Variants in SUSD3 observed in about 807,000 individuals in gnomAD.
SUSD3 encodes the protein sushi domain-containing protein 3.
SUSD3 carries 18 observed loss-of-function variants against 20.6 expected under a neutral mutation model. The observed-to-expected ratio is 0.87, with a 90% CI of 0.60 to 1.30. The LOEUF (loss-of-function observed/expected upper bound fraction) is 1.30. Among genes scored for constraint, SUSD3 ranks in the 50% most tolerant of loss-of-function variants. The pLI is 0.00. For synonymous variants in SUSD3, 137 were observed against 141.5 expected (o/e 0.97, Z 0.23); for missense variants, 306 against 346.9 (o/e 0.88, Z 0.94).
At position 93,058,796 on chromosome 9, in the gene SUSD3, C is replaced by T. The variant is rs1825382881; in HGVS notation, c.54C>T (p.Ala18=). ...GCAAGGCGAGGCCCCGGGGGCGGGC[C>T]GGGGTCACCACGCCTGCCCCAGGGA... ...LRGKARPRGR[A]GVTTPAPGNR... The change falls in exon 1 of 5, where the codon GCC becomes GCT. Residue 18 remains alanine, a synonymous_variant. Transcript: ENST00000375472. 8.0e-7 allele frequency: 1 copy of T among 1,245,928 alleles called. No homozygotes were observed. The highest frequency in any genetic ancestry group is 1.0e-6 in the Non-Finnish European group (1 of 994,950). The allele number at this position is 1,245,928 out of a possible 1,614,324, so 77.2% of individuals were successfully genotyped here.
chr9:93,058,913 G>A, intron 1 of SUSD3, 83 bp downstream of exon 1: 1 of 821,630 alleles, frequency 1.2e-6, no homozygotes, highest in South Asian at 4.2e-5. Context: ...GGGTCGCGGG[G>A]CCGCACAGCC....
intron 1 of SUSD3, among the ~76,000 whole-genome samples, chr9:93,061,909 A>G (rs1007707821): frequency 1.8e-4 from 28 of 152,332 alleles, no homozygotes; most frequent in African/African-American, 6.7e-4. Context: ...CCACAGCCTC[A>G]GCCAGCATAA....
At chr9:93,062,342 GT>G in intron 1 of SUSD3, among the ~76,000 whole-genome samples, 1 of 152,342 alleles carries the variant, frequency 6.6e-6, no homozygotes, top group Non-Finnish European at 1.5e-5. Context: ...GTTTTCTGTT[GT>G]TTTTCCCTCT....
intron 1 of SUSD3, among the ~76,000 whole-genome samples, chr9:93,064,312 C>T (rs1825623722): frequency 6.6e-6 from 1 of 152,206 alleles, no homozygotes; most frequent in Non-Finnish European, 1.5e-5. Context: ...TCCCAAAGTG[C>T]TGGGAGTACA....
rs540199125 is a variant in SUSD3, at chr9:93,077,346, C to T, written c.278-500C>T. 6.7e-4 allele frequency among the ~76,000 whole-genome samples: 102 copies of T among 152,142 alleles called. 3 individuals are homozygous for T. In the South Asian group the frequency reaches 0.02, roughly 30 times the overall value. On this transcript the variant is annotated intron_variant, in intron 2 of 4. Transcript: ENST00000375472. ...GCCTCCTCAGTACTGTCTATTGTCACCTCCTCTCTGTGGCCCACCCTTCCT... is the reference window on the plus strand; with the variant it reads ...GCCTCCTCAGTACTGTCTATTGTCATCTCCTCTCTGTGGCCCACCCTTCCT...
chr9:93,066,381 A>C (rs986197564), intron 1 of SUSD3, among the ~76,000 whole-genome samples: 2 of 152,066 alleles, frequency 1.3e-5, no homozygotes, highest in Admixed American at 1.3e-4. Flanking sequence ...CTACAGGCGC[A>C]CGCCACCACG....
intron 1 of SUSD3, among the ~76,000 whole-genome samples, chr9:93,069,941 C>T (rs938418148): frequency 8.6e-5 from 13 of 152,042 alleles, no homozygotes; most frequent in Non-Finnish European, 1.5e-4. Context: ...CACCCACACC[C>T]GGTTAATTTT....
chr9:93,060,589 G>A (rs2118895483), intron 1 of SUSD3, among the ~76,000 whole-genome samples: 1 of 152,266 alleles, frequency 6.6e-6, no homozygotes, highest in South Asian at 2.1e-4. Context: ...CCCACACTTT[G>A]GGAGGCTGAG....
chr9:93,075,411 CTT>C (rs58393196), intron 1 of SUSD3, among the ~76,000 whole-genome samples: 335 of 101,248 alleles, frequency 3.3e-3, no homozygotes, highest in African/African-American at 0.011. Context: ...CTCTGTCCCT[CTT>C]TTTTTTTTTT....
rs143337251 is a variant in SUSD3 at position 93,074,592 on chromosome 9, A to G, written c.89-1192A>G. On this transcript the variant is annotated intron_variant, in intron 1 of 4. Coordinates refer to ENST00000375472, the MANE Select transcript of SUSD3 (RefSeq NM_145006.4). ...GTATGGTTCTGAGGTGGGCTTCCCC[A>G]TAGAGAAATCTTGGCAGCAGATTCT... 1.0e-4 allele frequency among the ~76,000 whole-genome samples: 15 copies of G among 149,392 alleles called. No individual in the cohort carries two copies. The East Asian group carries it at 2.2e-3, about 21-fold the overall frequency.
chr9:93,080,318 CAAAAAAAAAA>C (rs56134136), intron 4 of SUSD3, among the ~76,000 whole-genome samples: 1 of 56,780 alleles, frequency 1.8e-5, no homozygotes, highest in Non-Finnish European at 3.7e-5. Flanking sequence ...GACTCCGTCT[CAAAAAAAAAA>C]AAAAAAAAAA....
rs536034616 is a variant in SUSD3, at chr9:93,065,859, C to T, written c.88+7029C>T. Among the ~76,000 whole-genome samples the T allele has an allele frequency of 9.8e-5, 15 of 152,348 alleles. No individual in the cohort carries two copies. In the East Asian group the frequency reaches 1.5e-3, roughly 16 times the overall value. ...TCCAGATATGGAGCTTGGTAGTTGA[C>T]GGAGAGCCCAACCCTGGAGACAGAA... On this transcript the variant is annotated intron_variant, in intron 1 of 4. Coordinates refer to ENST00000375472, the MANE Select transcript of SUSD3 (RefSeq NM_145006.4).
rs541911264 is a variant in SUSD3 at position 93,061,445 on chromosome 9, A to C, written c.88+2615A>C. 3.9e-5 allele frequency among the ~76,000 whole-genome samples: 6 copies of C among 152,384 alleles called. No homozygotes were observed. The East Asian group carries it at 1.2e-3, about 29-fold the overall frequency. On this transcript the variant is annotated intron_variant, in intron 1 of 4. Transcript: ENST00000375472. ...TAGGTTCCCGGACCCTCGGTTTTCC[A>C]CCAGGGATGTGGGAGTACATGTTCC...
At chr9:93,075,619 A>T (rs1826105238) in intron 1 of SUSD3, among the ~76,000 whole-genome samples, 165 bp from the exon 2 acceptor site, 1 of 150,378 alleles carries the variant, frequency 6.6e-6, no homozygotes. Context: ...CCCGGTCTGG[A>T]TGACCCCATG....
At chr9:93,072,248 A>G (rs920751188) in intron 1 of SUSD3, among the ~76,000 whole-genome samples, 1 of 152,012 alleles carries the variant, frequency 6.6e-6, no homozygotes, top group African/African-American at 2.4e-5. Flanking sequence ...GCGGTGGGGC[A>G]TGTCTGCCTC....
chr9:93,082,832 G>C lies in SUSD3; in HGVS notation c.558-1705G>C, dbSNP rs577430713. On this transcript the variant is annotated intron_variant, in intron 4 of 4. Transcript: ENST00000375472. ...AACAATTGCCTCTCAAGGCAACATGGTGTCCAGGATGATGGCAGCCACAGC... is the reference window on the plus strand; with the variant it reads ...AACAATTGCCTCTCAAGGCAACATGCTGTCCAGGATGATGGCAGCCACAGC... 2.0e-5 allele frequency among the ~76,000 whole-genome samples: 3 copies of C among 152,320 alleles called. No individual in the cohort carries two copies. In the South Asian group the frequency reaches 6.2e-4, roughly 32 times the overall value.
Position 93,075,611 on chromosome 9 carries a change from C to T in SUSD3, c.89-173C>T, listed in dbSNP as rs1134127. 4.6e-5 allele frequency among the ~76,000 whole-genome samples: 7 copies of T among 151,918 alleles called. No individual in the cohort carries two copies. The South Asian group carries it at 1.5e-3, about 32-fold the overall frequency. The stretch of plus-strand genomic sequence containing the variant: ...AGGGATCCAGCTCTGCGTTGTCCCC[C>T]GGTCTGGATGACCCCATGTGACCTC... On this transcript the variant is annotated intron_variant, in intron 1 of 4. Coordinates refer to ENST00000375472, the MANE Select transcript of SUSD3 (RefSeq NM_145006.4).
In SUSD3 at chr9:93,077,993, G is replaced by A; in HGVS notation, c.425G>A (p.Arg142Lys). Residue 142 changes from arginine (R) to lysine (K), a missense_variant and splice_region_variant, in exon 3 of 5, where the codon AGG becomes AAG. Arg to Lys is a conservative substitution (Grantham distance 26, BLOSUM62 2). Transcript: ENST00000375472. The stretch of plus-strand genomic sequence containing the variant: ...AAGAGCAAGCGGCGGCGCTCCAACA[G>A]GTACGGTGGCCTCATGATCTCAGGG... ...VKKSKRRRSNRSAQLWSQLKD... is the reference protein window; with the variant it reads ...VKKSKRRRSNKSAQLWSQLKD... The A allele has an allele frequency of 2.5e-6, 4 of 1,614,180 alleles. No individual in the cohort carries two copies. The highest frequency in any genetic ancestry group is 3.4e-6 in the Non-Finnish European group (4 of 1,180,040).
intron 1 of SUSD3, among the ~76,000 whole-genome samples, chr9:93,063,673 G>C (rs1041429859): frequency 2.6e-5 from 4 of 152,154 alleles, no homozygotes; most frequent in African/African-American, 7.2e-5. Context: ...AGGCAGGTCA[G>C]GGCTGTGAGC....
Sources: gnomAD v4.1 joint callset for allele counts (sites outside exome capture counted in the v4.1 genomes callset) on GRCh38, gnomAD v4.1.1 for gene constraint, MANE v1.5 for transcripts, NCBI Gene and HGNC (gene_info 2026-07-23, HGNC 2026-07-21) for gene names.